TMEM18: variants seen among roughly 807,000 people sequenced by gnomAD.
TMEM18 encodes the protein transmembrane protein 18.
TMEM18 carries 14 observed loss-of-function variants against 17.4 expected under a neutral mutation model. The observed-to-expected ratio is 0.80, with a 90% CI of 0.53 to 1.25. The LOEUF (loss-of-function observed/expected upper bound fraction) is 1.25. TMEM18 is among the 50% of genes most tolerant of loss of function. The pLI is 0.00. For synonymous variants in TMEM18, 86 were observed against 66.1 expected (o/e 1.30, Z -1.46); for missense variants, 187 against 172.1 (o/e 1.09, Z -0.48).
rs1351593980 is a variant in TMEM18 at position 667,796 on chromosome 2, T to C, written c.*1784A>G. The C allele has an allele frequency of 6.6e-6, 1 of 152,110 alleles. No homozygotes were observed. Among genetic ancestry groups the C allele is most frequent in the Non-Finnish European group, 1.5e-5 (1 of 68,018 alleles). The allele number at this position is 152,110 out of a possible 1,614,324, so 9.4% of individuals were successfully genotyped here. A position where few individuals can be genotyped will look rare whatever the true frequency, so the allele number is the denominator to read the frequency against. Reference sequence around the variant, plus strand: ...GAAAATCAAAGACCACACGTCATGGTTTCACACTGACATGTCATCAGCATC... The same window carrying C: ...GAAAATCAAAGACCACACGTCATGGCTTCACACTGACATGTCATCAGCATC... On this transcript the variant is annotated 3_prime_UTR_variant, in exon 5 of 5. Coordinates refer to ENST00000281017, the MANE Select transcript of TMEM18 (RefSeq NM_152834.4).
chr2:674,335 T>C (rs1678938501), intron 2 of TMEM18, among the ~76,000 whole-genome samples: 1 of 152,256 alleles, frequency 6.6e-6, no homozygotes, highest in Admixed American at 6.5e-5. Flanking sequence ...CACTTGCTCC[T>C]GCCCTCTGCC....
Position 672,698 on chromosome 2 carries a change from C to T in TMEM18, c.233+110G>A, listed in dbSNP as rs574082587. ...TGGATGCACGGGCACGGGCTGTGCA[C>T]AGCTGCCACGTTAGGATTCACTGTC... On this transcript the variant is annotated intron_variant, in intron 3 of 4. Coordinates refer to ENST00000281017, the MANE Select transcript of TMEM18 (RefSeq NM_152834.4). 1.3e-5 allele frequency: 13 copies of T among 1,029,190 alleles called. No individual in the cohort carries two copies. In the East Asian group the frequency reaches 3.6e-4, roughly 29 times the overall value. The allele number at this position is 1,029,190 out of a possible 1,614,324, so 63.8% of individuals were successfully genotyped here. A position where few individuals can be genotyped will look rare whatever the true frequency, so the allele number is the denominator to read the frequency against.
At chr2:674,545 G>A (rs1469319828) in intron 2 of TMEM18, among the ~76,000 whole-genome samples, 1 of 152,186 alleles carries the variant, frequency 6.6e-6, no homozygotes, top group Non-Finnish European at 1.5e-5. Flanking sequence ...AGGCAAAGGA[G>A]CCCTGTCTGC....
chr2:665,177 C>A lies in TMEM18; in HGVS notation c.*4403G>T, dbSNP rs1363757259. ...ATGCAGACGCCCAGCTCAGATGGAG[C>A]ATCACTCCCACATACAACAGAACCC... On this transcript the variant is annotated 3_prime_UTR_variant, in exon 5 of 5. Coordinates refer to ENST00000281017, the MANE Select transcript of TMEM18 (RefSeq NM_152834.4). Among the ~76,000 whole-genome samples the A allele has an allele frequency of 1.3e-5, 2 of 151,956 alleles. No homozygotes were observed. Among genetic ancestry groups the A allele is most frequent in the African/African-American group, 4.8e-5 (2 of 41,320 alleles).
At position 670,011 on chromosome 2, in the gene TMEM18, T is replaced by C. The variant is rs1267292677; in HGVS notation, c.234-161A>G. On this transcript the variant is annotated intron_variant, in intron 3 of 4. Transcript: ENST00000281017. ...TTGGGAGCAGCGGTAATCTCCACTG[T>C]ACTGTCCCAAATGCAATGAATGCTC... 24 of 611,926 alleles carry C rather than the reference T, an allele frequency of 3.9e-5. 1 individual carries two copies. The East Asian group carries it at 6.4e-4, about 16-fold the overall frequency. The allele number at this position is 611,926 out of a possible 1,614,324, so 37.9% of individuals were successfully genotyped here. A position where few individuals can be genotyped will look rare whatever the true frequency, so the allele number is the denominator to read the frequency against.
rs1454742186 is a variant in TMEM18, at chr2:664,588, C to A, written c.*4992G>T. ...TTAAAACAGTGAGATAAAACTTTCA[C>A]CTATTACTCAGAAAAGTTTCTTTTT... On this transcript the variant is annotated 3_prime_UTR_variant, in exon 5 of 5. Transcript: ENST00000281017. 7.2e-5 allele frequency among the ~76,000 whole-genome samples: 11 copies of A among 152,216 alleles called. No individual in the cohort carries two copies. The highest frequency in any genetic ancestry group is 2.7e-4 in the African/African-American group (11 of 41,450).
chr2:672,482 G>A (rs1177449487), intron 3 of TMEM18, among the ~76,000 whole-genome samples: 1 of 152,212 alleles, frequency 6.6e-6, no homozygotes, highest in Non-Finnish European at 1.5e-5. Flanking sequence ...GGGAGGGCAT[G>A]GCTGAGGCCA....
In TMEM18 at chr2:669,529, A is replaced by T. The variant is rs959326424; in HGVS notation, c.*51T>A. The T allele has an allele frequency of 2.6e-6, 4 of 1,545,398 alleles. No homozygotes were observed. The highest frequency in any genetic ancestry group is 3.6e-6 in the Non-Finnish European group (4 of 1,118,244). ...ACGCCACGCACACTGCAGCACTGGGAGCTGCACTGGGTGGACGGGAAGGAC... is the reference window on the plus strand; with the variant it reads ...ACGCCACGCACACTGCAGCACTGGGTGCTGCACTGGGTGGACGGGAAGGAC... On this transcript the variant is annotated 3_prime_UTR_variant, in exon 5 of 5. Coordinates refer to ENST00000281017, the MANE Select transcript of TMEM18 (RefSeq NM_152834.4).
At chr2:673,149 T>C (rs1425015995) in intron 2 of TMEM18, among the ~76,000 whole-genome samples, 1 of 152,168 alleles carries the variant, frequency 6.6e-6, no homozygotes. Context: ...GGCCCCAGGC[T>C]TCACCCAGGC....
Position 666,528 on chromosome 2 carries a change from C to A in TMEM18, c.*3052G>T, listed in dbSNP as rs1025908487. ...TGAGGATGCTTGCTGTCAACTGTTC[C>A]AGCCCCACTCGGAACAAGCTGCCAC... On this transcript the variant is annotated 3_prime_UTR_variant, in exon 5 of 5. Transcript: ENST00000281017. 6.6e-6 allele frequency among the ~76,000 whole-genome samples: 1 copy of A among 152,162 alleles called. No individual in the cohort carries two copies. The highest frequency in any genetic ancestry group is 1.5e-5 in the Non-Finnish European group (1 of 68,020).
chr2:677,283 A>G lies in TMEM18; in HGVS notation c.57+6T>C. On this transcript the variant is annotated splice_donor_region_variant and intron_variant, in intron 1 of 4. Coordinates refer to ENST00000281017, the MANE Select transcript of TMEM18 (RefSeq NM_152834.4). Reference sequence around the variant, plus strand: ...CGAACTGGTGGTTACGCGGGCCGCGAGTTACCGTGAGCACGGCTGGGATGC... The same window carrying G: ...CGAACTGGTGGTTACGCGGGCCGCGGGTTACCGTGAGCACGGCTGGGATGC... 1 of 1,610,596 alleles carries G rather than the reference A, an allele frequency of 6.2e-7. No homozygotes were observed. Among genetic ancestry groups the G allele is most frequent in the African/African-American group, 1.3e-5 (1 of 75,034 alleles).
At chr2:676,004 T>C (rs1678994411) in intron 1 of TMEM18, 1 of 1,304,896 alleles carries the variant, frequency 7.7e-7, no homozygotes, top group African/African-American at 1.5e-5. Context: ...GTTATGATAA[T>C]TGGTGACGAC....
At chr2:676,937 C>A (rs1659261956) in intron 1 of TMEM18, 5 of 473,578 alleles carry the variant, frequency 1.1e-5, no homozygotes, top group Non-Finnish European at 1.8e-5. Context: ...CAGCCCAAGC[C>A]CGGGCCACAG....
intron 1 of TMEM18, 87 bp downstream of exon 1, chr2:677,202 G>C (rs1659280996): frequency 1.3e-6 from 2 of 1,507,210 alleles, no homozygotes; most frequent in Non-Finnish European, 1.8e-6. Context: ...GGGCCTTCTT[G>C]GCCACAGGCC....
chr2:677,177 C>T, intron 1 of TMEM18, 112 bp downstream of exon 1: 2 of 1,390,270 alleles, frequency 1.4e-6, no homozygotes, highest in Non-Finnish European at 2.0e-6. Context: ...CGCCACAAGG[C>T]CCCGCCCACG....
rs1169585638 is a variant in TMEM18, at chr2:667,655, C to A, written c.*1925G>T. ...GACAACATATCAAGACAATTGTTAA[C>A]AATGCACTTTAAGGCATTGAATATA... is the stretch of plus-strand genomic sequence containing the variant. On this transcript the variant is annotated 3_prime_UTR_variant, in exon 5 of 5. Transcript: ENST00000281017. 2 of 152,196 alleles carry A rather than the reference C, an allele frequency of 1.3e-5. No individual in the cohort carries two copies. The highest frequency in any genetic ancestry group is 2.9e-5 in the Non-Finnish European group (2 of 68,034). The allele number at this position is 152,196 out of a possible 1,614,324, so 9.4% of individuals were successfully genotyped here.
chr2:673,027 T>C (rs996642267), intron 2 of TMEM18, among the ~76,000 whole-genome samples, 165 bp from the exon 3 acceptor site: 2 of 152,276 alleles, frequency 1.3e-5, no homozygotes, highest in African/African-American at 4.8e-5. Flanking sequence ...CTCACCCATT[T>C]AGCAGAAAGA....
rs1258303640 is a variant in TMEM18, at chr2:677,383, C to T, written c.-38G>A. On this transcript the variant is annotated 5_prime_UTR_variant, in exon 1 of 5. Coordinates refer to ENST00000281017, the MANE Select transcript of TMEM18 (RefSeq NM_152834.4). ...CCCGCTCTCACAGCAACCGCCGAACCCGGCCTGGCCAGAATCCACAGAGGA... is the reference window on the plus strand; with the variant it reads ...CCCGCTCTCACAGCAACCGCCGAACTCGGCCTGGCCAGAATCCACAGAGGA... 2 of 1,604,340 alleles carry T rather than the reference C, an allele frequency of 1.2e-6. No individual in the cohort carries two copies. The highest frequency in any genetic ancestry group is 1.7e-6 in the Non-Finnish European group (2 of 1,176,932).
intron 1 of TMEM18, 104 bp from the exon 2 acceptor site, chr2:675,734 C>T: frequency 2.9e-5 from 44 of 1,541,808 alleles, no homozygotes; most frequent in Non-Finnish European, 3.7e-5. Flanking sequence ...GCCTCTCACT[C>T]CTGAGTCCTC....
Sources: allele counts gnomAD v4.1 joint callset (sites outside exome capture counted in the v4.1 genomes callset), GRCh38; gene constraint gnomAD v4.1.1; transcripts MANE v1.5; gene names NCBI Gene and HGNC (gene_info 2026-07-23, HGNC 2026-07-21).